The following CAMTA1 variants were observed in gnomAD, a reference collection of about 807,000 sequenced individuals.
The protein encoded by CAMTA1 is calmodulin binding transcription activator 1.
Under a neutral mutation model 170.9 loss-of-function variants are expected in CAMTA1, and 27 were observed. The observed-to-expected ratio is 0.16, with a 90% confidence interval of 0.12 to 0.22. CAMTA1 has a LOEUF of 0.22. Ranked by LOEUF, CAMTA1 falls within the 10% of genes least tolerant of loss-of-function variation. CAMTA1 has a pLI of 1.00. For synonymous variants in CAMTA1, 833 were observed against 891.5 expected, an observed-to-expected ratio of 0.93 and a Z score of 1.17; for missense variants, 1,619 against 2,217.2, an observed-to-expected ratio of 0.73 and a Z score of 5.42.
intron 4 of CAMTA1, among the ~76,000 whole-genome samples, chr1:7,100,412 G>A (rs1300780547): frequency 1.3e-5 from 2 of 152,130 alleles, no homozygotes; most frequent in Non-Finnish European, 2.9e-5. Context: ...GAGTCGTGCC[G>A]AGTGGGACCC....
chr1:7,623,102 A>G (rs777438178), intron 6 of CAMTA1, among the ~76,000 whole-genome samples: 114 of 152,102 alleles, frequency 7.5e-4, no homozygotes, highest in Non-Finnish European at 1.4e-3. Context: ...CCCATTTTTT[A>G]TGCTCATACC....
intron 5 of CAMTA1, among the ~76,000 whole-genome samples, chr1:7,466,718 G>A (rs980495651): frequency 1.1e-4 from 17 of 152,134 alleles, no homozygotes; most frequent in Non-Finnish European, 2.5e-4. Flanking sequence ...CCCTTCTAGA[G>A]CGGATGCAGT....
intron 3 of CAMTA1, among the ~76,000 whole-genome samples, chr1:6,884,291 GACACACACACACACACACAC>G (rs112571156): frequency 7.3e-6 from 1 of 136,550 alleles, no homozygotes; most frequent in African/African-American, 2.7e-5. Flanking sequence ...ATTCTCTAGA[GACACACACACACACACACAC>G]ACACACACAC....
chr1:7,654,681 A>G (rs893414277), intron 7 of CAMTA1, among the ~76,000 whole-genome samples: 10 of 127,462 alleles, frequency 7.8e-5, no homozygotes, highest in Non-Finnish European at 9.9e-5. Context: ...CACACACTCC[A>G]TGCACACAAA....
intron 3 of CAMTA1, among the ~76,000 whole-genome samples, chr1:6,859,650 A>G (rs761733788): frequency 7.2e-5 from 11 of 152,042 alleles, no homozygotes; most frequent in East Asian, 1.9e-4. Context: ...TTAGCTGGGC[A>G]TGGTTGTGCG....
At chr1:7,560,473 TGTGAAATGAG>T (rs2094941788) in intron 6 of CAMTA1, among the ~76,000 whole-genome samples, 1 of 152,078 alleles carries the variant, frequency 6.6e-6, no homozygotes, top group Non-Finnish European at 1.5e-5. Context: ...TTTTCTCCTC[TGTGAAATGAG>T]CCATGTAGAA....
intron 6 of CAMTA1, among the ~76,000 whole-genome samples, chr1:7,583,179 G>A (rs2095276448): frequency 6.6e-6 from 1 of 152,080 alleles, no homozygotes; most frequent in African/African-American, 2.4e-5. Context: ...TCCCCAACCT[G>A]CCCATCATCC....
At chr1:7,741,077 C>T (rs1009032413) in intron 16 of CAMTA1, among the ~76,000 whole-genome samples, 2 of 152,148 alleles carry the variant, frequency 1.3e-5, no homozygotes, top group African/African-American at 4.8e-5. Context: ...GGAAGGGACT[C>T]TTTAAATAGA....
intron 4 of CAMTA1, among the ~76,000 whole-genome samples, chr1:7,226,279 G>A (rs142181742): frequency 2.0e-3 from 302 of 151,928 alleles, no homozygotes; most frequent in African/African-American, 6.8e-3. Context: ...CCTGCCCCTC[G>A]TGGAATTACA....
At chr1:7,548,720 G>A (rs1356906529) in intron 6 of CAMTA1, among the ~76,000 whole-genome samples, 3 of 96,710 alleles carry the variant, frequency 3.1e-5, no homozygotes, top group Non-Finnish European at 4.8e-5. Context: ...CATGGAGGGT[G>A]CCTCCTTAGG....
chr1:7,570,770 C>A lies in CAMTA1; in HGVS notation c.511-69630C>A, dbSNP rs1427183198. Among the ~76,000 whole-genome samples, 2 of 152,176 alleles carry A rather than the reference C, an allele frequency of 1.3e-5. No individual in the cohort carries two copies. Among genetic ancestry groups the A allele is most frequent in the African/African-American group, 2.4e-5 (1 of 41,450 alleles). On this transcript the variant is annotated intron_variant, in intron 6 of 22. Coordinates refer to ENST00000303635, the MANE Select transcript of CAMTA1 (RefSeq NM_015215.4). The surrounding 1 kb of genome is among the most constrained non-coding windows in gnomAD (Gnocchi z 4.3). ...GGCCTCACCTCTGCTCTCCATCACCCCCCACCGCAGAGGGAAAATCAGTGT... is the reference window on the plus strand; with the variant it reads ...GGCCTCACCTCTGCTCTCCATCACCACCCACCGCAGAGGGAAAATCAGTGT...
At chr1:7,012,050 C>T (rs1699879105) in intron 3 of CAMTA1, among the ~76,000 whole-genome samples, 1 of 152,198 alleles carries the variant, frequency 6.6e-6, no homozygotes. Context: ...GGGGAAACCA[C>T]AATGCTGGGG....
At chr1:6,976,326 G>A (rs112720588) in intron 3 of CAMTA1, among the ~76,000 whole-genome samples, 1 of 152,274 alleles carries the variant, frequency 6.6e-6, no homozygotes, top group East Asian at 1.9e-4. Flanking sequence ...CAGGGAGACG[G>A]ATCTGGCACT....
intron 5 of CAMTA1, among the ~76,000 whole-genome samples, chr1:7,250,274 T>G (rs537978432): frequency 7.9e-5 from 12 of 152,304 alleles, no homozygotes; most frequent in African/African-American, 2.9e-4. Flanking sequence ...GAAATTCCCT[T>G]ATTCCTCTTT....
intron 2 of CAMTA1, among the ~76,000 whole-genome samples, chr1:6,821,761 T>C (rs553515578): frequency 5.3e-5 from 8 of 152,180 alleles, no homozygotes; most frequent in Admixed American, 2.6e-4. Flanking sequence ...AAAGGTCAAA[T>C]ACATTTCTTT....
At chr1:7,559,765 G>A (rs2094932600) in intron 6 of CAMTA1, among the ~76,000 whole-genome samples, 1 of 152,056 alleles carries the variant, frequency 6.6e-6, no homozygotes, top group Non-Finnish European at 1.5e-5. Context: ...ACCCCAGGAT[G>A]CAACTGATTG....
At chr1:7,081,101 G>T (rs748198941) in intron 3 of CAMTA1, among the ~76,000 whole-genome samples, 3 of 152,198 alleles carry the variant, frequency 2.0e-5, no homozygotes, top group Admixed American at 1.3e-4. Context: ...TGTCACTTGC[G>T]GATGTCAATT....
At chr1:6,995,121 A>G (rs1314850195) in intron 3 of CAMTA1, among the ~76,000 whole-genome samples, 1 of 151,788 alleles carries the variant, frequency 6.6e-6, no homozygotes, top group East Asian at 1.9e-4. Context: ...TGTTTTTTTA[A>G]AAAAATAAAT....
rs2096786637 is a variant in CAMTA1 at position 7,738,437 on chromosome 1, T to C, written c.4137T>C (p.Asp1379=). 1.9e-6 allele frequency: 3 copies of C among 1,614,150 alleles called. No homozygotes were observed. The highest frequency in any genetic ancestry group is 2.5e-6 in the Non-Finnish European group (3 of 1,179,992). The change falls in exon 16 of 23, where the codon GAT becomes GAC. Residue 1379 remains aspartate (D), a synonymous_variant. Coordinates refer to ENST00000303635, the MANE Select transcript of CAMTA1 (RefSeq NM_015215.4). The surrounding 1 kb of genome is among the most constrained non-coding windows in gnomAD (Gnocchi z 4.9). ...ATACAGAGCTGGGGTCCTACCGTGA[T>C]AGTGCAGAAAATGAAGAATGCGGCC... The part of the protein sequence containing the change: ...VVNTELGSYR[D]SAENEECGQP...
Sources: allele counts gnomAD v4.1 joint callset (sites outside exome capture counted in the v4.1 genomes callset), GRCh38; gene constraint gnomAD v4.1.1; non-coding constraint Gnocchi (gnomAD v3.1); transcripts MANE v1.5; gene names NCBI Gene and HGNC (gene_info 2026-07-23, HGNC 2026-07-21).